Variants in DHX36 observed in about 807,000 individuals in gnomAD.
DHX36 encodes the protein DEAH-box helicase 36.
DHX36 carries 50 observed loss-of-function variants against 139.0 expected under a neutral mutation model. The observed-to-expected ratio is 0.36, with a 90% CI of 0.29 to 0.46. DHX36 has a LOEUF of 0.46. Ranked by LOEUF, DHX36 falls within the 20% of genes least tolerant of loss-of-function variation. The pLI, the probability that DHX36 is intolerant of heterozygous loss-of-function variation, is 1.00. For missense variants in DHX36, 1,024 were observed against 1,211.3 expected (o/e 0.85, Z 2.29); for synonymous variants, 425 against 401.9 (o/e 1.06, Z -0.69).
chr3:154,309,929 T>C (rs139418846), intron 4 of DHX36, 106 bp from the exon 5 acceptor site: 1 of 900,992 alleles, frequency 1.1e-6, no homozygotes. Context: ...AACAAACATA[T>C]TAATGCTTTC....
At chr3:154,285,392 G>C (rs1711513276) in intron 17 of DHX36, among the ~76,000 whole-genome samples, 1 of 152,144 alleles carries the variant, frequency 6.6e-6, no homozygotes, top group African/African-American at 2.4e-5. Flanking sequence ...AAAAGCAAAA[G>C]AAAAAGGAAC....
chr3:154,301,094 C>T lies in DHX36; in HGVS notation c.1251G>A (p.Gln417=). 6.2e-7 allele frequency: 1 copy of T among 1,609,324 alleles called. No homozygotes were observed. ...GCCCTTGCATGAAACCCCTCTTAAA[C>T]TGGGATCTGTGTTCTTTTTGTTCTG... ...YVPEQKEHRS[Q]FKRGFMQGHV... The change falls in exon 10 of 25, where the codon CAG becomes CAA. Residue 417 remains glutamine, a synonymous_variant. Transcript: ENST00000496811.
chr3:154,282,356 A>T (rs570568601), intron 20 of DHX36, among the ~76,000 whole-genome samples: 2 of 152,040 alleles, frequency 1.3e-5, no homozygotes, highest in African/African-American at 4.8e-5. Flanking sequence ...AGGGGTGTCC[A>T]TTCTGTTCCT....
chr3:154,276,048 C>A lies in DHX36; in HGVS notation c.*123G>T. 2 of 759,716 alleles carry A rather than the reference C, an allele frequency of 2.6e-6. No homozygotes were observed. The highest frequency in any genetic ancestry group is 4.2e-6 in the Non-Finnish European group (2 of 475,578). The allele number at this position is 759,716 out of a possible 1,614,324, so 47.1% of individuals were successfully genotyped here. A position where few individuals can be genotyped will look rare whatever the true frequency, so the allele number is the denominator to read the frequency against. ...ATGCACATTAAGTCTTTACTACCTA[C>A]TGAAGGCTTCTACCTTACACATGAA... On this transcript the variant is annotated 3_prime_UTR_variant, in exon 25 of 25. Transcript: ENST00000496811.
At chr3:154,300,548 ATAAAAT>A (rs1407978421) in intron 11 of DHX36, 40 bp downstream of exon 11, 3 of 1,488,320 alleles carry the variant, frequency 2.0e-6, no homozygotes, top group South Asian at 1.2e-5. Flanking sequence ...TGATACGTTA[ATAAAAT>A]TAAAATTATG....
At chr3:154,310,827 A>ATATATATATG (rs1712728704) in intron 4 of DHX36, among the ~76,000 whole-genome samples, 1 of 35,756 alleles carries the variant, frequency 2.8e-5, no homozygotes, top group African/African-American at 1.7e-4. Context: ...ATATATATAT[A>ATATATATATG]TATATATATA....
intron 8 of DHX36, among the ~76,000 whole-genome samples, chr3:154,303,784 A>G (rs777047356): frequency 6.6e-6 from 1 of 152,242 alleles, no homozygotes; most frequent in African/African-American, 2.4e-5. Context: ...TGAATTCTAG[A>G]TAAGCATTAC....
At chr3:154,314,979 C>T in intron 3 of DHX36, 67 bp downstream of exon 3, 5 of 1,094,848 alleles carry the variant, frequency 4.6e-6, no homozygotes, top group Non-Finnish European at 5.3e-6. Context: ...CTACCTCTAA[C>T]CATACATACA....
At chr3:154,304,045 T>C (rs9832113) in intron 8 of DHX36, among the ~76,000 whole-genome samples, 26,312 of 152,176 alleles carry the variant, frequency 0.17, 3,025 homozygotes, top group South Asian at 0.29. Context: ...AAGTACTCAA[T>C]GTTAGTTCTA....
chr3:154,290,848 A>G (rs1307883664), intron 15 of DHX36, among the ~76,000 whole-genome samples: 1 of 152,030 alleles, frequency 6.6e-6, no homozygotes, highest in African/African-American at 2.4e-5. Context: ...GAGTACCTCC[A>G]TTGAGGCCGG....
chr3:154,277,648 C>T lies in DHX36; in HGVS notation c.2638G>A (p.Asp880Asn), dbSNP rs761280991. 2 of 1,612,334 alleles carry T rather than the reference C, an allele frequency of 1.2e-6. No homozygotes were observed. The highest frequency in any genetic ancestry group is 1.7e-5 in the Admixed American group (1 of 59,984). ...TAGATAAGCCAGTTGTAGTGAAAGTCTGTTTGCTCCACATTAACAGATTTA... is the reference window on the plus strand; with the variant it reads ...TAGATAAGCCAGTTGTAGTGAAAGTTTGTTTGCTCCACATTAACAGATTTA... ...HPKSVNVEQTDFHYNWLIYHL... is the reference protein window; with the variant it reads ...HPKSVNVEQTNFHYNWLIYHL... The change falls in exon 23 of 25, where the codon GAC (aspartate) becomes AAC (asparagine). Residue 880 changes from aspartate (D) to asparagine (N), a missense_variant. Transcript: ENST00000496811.
In DHX36 at chr3:154,281,207, G is replaced by T. The variant is rs192400790; in HGVS notation, c.2377-345C>A. Among the ~76,000 whole-genome samples, 24 of 152,076 alleles carry T rather than the reference G, an allele frequency of 1.6e-4. No individual in the cohort carries two copies. In the East Asian group the frequency reaches 2.7e-3, roughly 17 times the overall value. On this transcript the variant is annotated intron_variant, in intron 20 of 24. Transcript: ENST00000496811. ...TAAGGAATAGCCACTGATGTTTAAGGATTACTCTATTTTGTGAAAGACTAA... is the reference window on the plus strand; with the variant it reads ...TAAGGAATAGCCACTGATGTTTAAGTATTACTCTATTTTGTGAAAGACTAA...
At chr3:154,319,685 A>G (rs1713117760) in intron 1 of DHX36, among the ~76,000 whole-genome samples, 1 of 152,114 alleles carries the variant, frequency 6.6e-6, no homozygotes, top group Non-Finnish European at 1.5e-5. Flanking sequence ...CAGTCAACCG[A>G]TATTCTGGTT....
intron 24 of DHX36, 96 bp from the exon 25 acceptor site, chr3:154,276,452 C>T (rs753772965): frequency 1.7e-6 from 2 of 1,163,860 alleles, no homozygotes; most frequent in Non-Finnish European, 2.4e-6. Flanking sequence ...AGGAGTTTCA[C>T]AAGCGATGGC....
intron 4 of DHX36, among the ~76,000 whole-genome samples, chr3:154,310,444 T>C (rs1386861261): frequency 6.6e-6 from 1 of 151,948 alleles, no homozygotes; most frequent in African/African-American, 2.4e-5. Flanking sequence ...TTAGGGGTTA[T>C]TTTCATGTAT....
intron 4 of DHX36, 42 bp from the exon 5 acceptor site, chr3:154,309,865 A>G (rs889962859): frequency 5.0e-6 from 7 of 1,413,970 alleles, no homozygotes; most frequent in Non-Finnish European, 5.8e-6. Flanking sequence ...ATGTTGACTA[A>G]GTCTGAAAAA....
At chr3:154,311,201 G>A (rs1712751289) in intron 4 of DHX36, among the ~76,000 whole-genome samples, 1 of 151,910 alleles carries the variant, frequency 6.6e-6, no homozygotes, top group African/African-American at 2.4e-5. Context: ...AGAAGGATGA[G>A]AGATCCTATT....
At chr3:154,311,470 A>T (rs943956723) in intron 4 of DHX36, among the ~76,000 whole-genome samples, 166 bp downstream of exon 4, 6 of 151,994 alleles carry the variant, frequency 3.9e-5, no homozygotes, top group African/African-American at 1.4e-4. Context: ...TTGTTTATGA[A>T]CCTTTTTTTT....
chr3:154,303,263 G>A, intron 9 of DHX36, 66 bp downstream of exon 9: 2 of 1,183,954 alleles, frequency 1.7e-6, no homozygotes, highest in Non-Finnish European at 1.2e-6. Context: ...TGAGACTAAA[G>A]TTTGACATGA....
Sources: gnomAD v4.1 joint callset for allele counts (sites outside exome capture counted in the v4.1 genomes callset) on GRCh38, gnomAD v4.1.1 for gene constraint, MANE v1.5 for transcripts, NCBI Gene and HGNC (gene_info 2026-07-23, HGNC 2026-07-21) for gene names.